Variants in TMEM163 observed in about 807,000 individuals in gnomAD.
TMEM163 encodes the protein transmembrane protein 163.
TMEM163 carries 17 observed loss-of-function variants against 29.3 expected under a neutral mutation model. The observed-to-expected ratio is 0.58, with a 90% confidence interval of 0.40 to 0.87. The LOEUF (loss-of-function observed/expected upper bound fraction) is 0.87. Among genes scored for constraint, TMEM163 ranks in the 40% least tolerant of loss-of-function variants. TMEM163 has a pLI of 0.00. For synonymous variants in TMEM163, 157 were observed against 160.6 expected (o/e 0.98, Z 0.17); for missense variants, 303 against 381.5 (o/e 0.79, Z 1.71).
intron 2 of TMEM163, among the ~76,000 whole-genome samples, chr2:134,709,292 A>G (rs1050075566): frequency 6.6e-6 from 1 of 152,234 alleles, no homozygotes; most frequent in African/African-American, 2.4e-5. Context: ...TTCAAGATGT[A>G]TTACCATCTG....
chr2:134,606,579 G>A (rs1443043431), intron 2 of TMEM163, among the ~76,000 whole-genome samples: 5 of 152,070 alleles, frequency 3.3e-5, no homozygotes, highest in Admixed American at 6.5e-5. Context: ...TGGAAGAGTC[G>A]GGCTGGGGAA....
intron 2 of TMEM163, among the ~76,000 whole-genome samples, chr2:134,657,672 G>A (rs564087722): frequency 1.4e-4 from 22 of 152,252 alleles, no homozygotes; most frequent in African/African-American, 5.1e-4. Context: ...GCGTGGTGGC[G>A]CATGCCTGTA....
At chr2:134,539,368 G>T (rs1558938361) in intron 4 of TMEM163, among the ~76,000 whole-genome samples, 2 of 152,212 alleles carry the variant, frequency 1.3e-5, no homozygotes, top group South Asian at 2.1e-4. Context: ...AAGGCGACAT[G>T]CACTGTGGTG....
At chr2:134,689,852 T>C (rs1312842807) in intron 2 of TMEM163, among the ~76,000 whole-genome samples, 1 of 152,188 alleles carries the variant, frequency 6.6e-6, no homozygotes, top group African/African-American at 2.4e-5. Context: ...CCATCAAAAA[T>C]GTGGTTTCTC....
chr2:134,658,964 C>T (rs1316842273), intron 2 of TMEM163, among the ~76,000 whole-genome samples: 1 of 152,148 alleles, frequency 6.6e-6, no homozygotes, highest in African/African-American at 2.4e-5. Flanking sequence ...TGTCTCTTAA[C>T]AACAGGGCTA....
chr2:134,517,622 C>G (rs2106493729), intron 4 of TMEM163, among the ~76,000 whole-genome samples: 1 of 152,266 alleles, frequency 6.6e-6, no homozygotes, highest in South Asian at 2.1e-4. Flanking sequence ...CCCAGGAGTT[C>G]TTGTCATTAA....
At chr2:134,480,372 G>T (rs1289212969) in intron 5 of TMEM163, among the ~76,000 whole-genome samples, 1 of 148,866 alleles carries the variant, frequency 6.7e-6, no homozygotes. Flanking sequence ...TCTCAGTGAG[G>T]TGGTCCCTGA....
chr2:134,656,884 G>A (rs1244953236), intron 2 of TMEM163, among the ~76,000 whole-genome samples: 1 of 152,110 alleles, frequency 6.6e-6, no homozygotes, highest in African/African-American at 2.4e-5. Flanking sequence ...CTGCTTATGT[G>A]GTAAATCATA....
chr2:134,501,187 C>T (rs983706922), intron 5 of TMEM163, among the ~76,000 whole-genome samples: 3 of 152,126 alleles, frequency 2.0e-5, no homozygotes, highest in Non-Finnish European at 4.4e-5. Context: ...ATCAAAGGTA[C>T]AGATGGTATG....
At chr2:134,558,873 C>T (rs566139579) in intron 2 of TMEM163, among the ~76,000 whole-genome samples, 24 of 152,288 alleles carry the variant, frequency 1.6e-4, no homozygotes, top group African/African-American at 5.1e-4. Flanking sequence ...CTGTAAGTTT[C>T]GTTAATAAAT....
chr2:134,634,154 A>T (rs925148606), intron 2 of TMEM163, among the ~76,000 whole-genome samples: 1 of 151,844 alleles, frequency 6.6e-6, no homozygotes, highest in Non-Finnish European at 1.5e-5. Flanking sequence ...TGACAGAAAG[A>T]TCAAGTCAGA....
At chr2:134,504,926 G>A (rs679937) in intron 4 of TMEM163, among the ~76,000 whole-genome samples, 60,535 of 151,942 alleles carry the variant, frequency 0.4, 12,259 homozygotes, top group South Asian at 0.59. Flanking sequence ...GGGATTCCTA[G>A]GGCTTGGGAA....
chr2:134,461,587 G>A (rs1475019908), intron 6 of TMEM163, among the ~76,000 whole-genome samples: 2 of 152,178 alleles, frequency 1.3e-5, no homozygotes, highest in Non-Finnish European at 2.9e-5. Context: ...AACCCATGAT[G>A]ACAACACATC....
chr2:134,484,207 T>G (rs1679264513), intron 5 of TMEM163, among the ~76,000 whole-genome samples: 1 of 151,870 alleles, frequency 6.6e-6, no homozygotes. Context: ...AGGGTCTGAG[T>G]GCCTAGCACA....
chr2:134,513,422 AG>A (rs1337918316), intron 4 of TMEM163, among the ~76,000 whole-genome samples: 1 of 152,218 alleles, frequency 6.6e-6, no homozygotes, highest in East Asian at 1.9e-4. Flanking sequence ...TCCCCCTCCA[AG>A]AAATTACAAA....
At chr2:134,508,950 A>G (rs1679886548) in intron 4 of TMEM163, among the ~76,000 whole-genome samples, 1 of 152,190 alleles carries the variant, frequency 6.6e-6, no homozygotes. Flanking sequence ...TGCAACCATT[A>G]AAACCTCTCC....
intron 4 of TMEM163, among the ~76,000 whole-genome samples, chr2:134,549,103 TAAAAA>T: frequency 6.9e-6 from 1 of 144,380 alleles, no homozygotes; most frequent in South Asian, 2.2e-4. Context: ...CTTAATTTGT[TAAAAA>T]AAAAAAAAAA....
intron 4 of TMEM163, 134 bp downstream of exon 4, chr2:134,550,436 T>C: frequency 1.3e-6 from 1 of 752,810 alleles, no homozygotes; most frequent in Non-Finnish European, 2.2e-6. Context: ...CACTAGTCAC[T>C]CTCAGAAGCA....
intron 4 of TMEM163, among the ~76,000 whole-genome samples, chr2:134,507,240 G>T (rs1007956029): frequency 1.3e-5 from 2 of 152,048 alleles, no homozygotes; most frequent in African/African-American, 4.8e-5. Flanking sequence ...GGAGGCAGAG[G>T]CAGGAGAATC....
Sources: gnomAD v4.1 joint callset for allele counts (sites outside exome capture counted in the v4.1 genomes callset) on GRCh38, gnomAD v4.1.1 for gene constraint, MANE v1.5 for transcripts, NCBI Gene and HGNC (gene_info 2026-07-23, HGNC 2026-07-21) for gene names.